Variants in NARS2 observed in about 807,000 individuals in gnomAD.
NARS2 encodes asparaginyl-tRNA synthetase 2, mitochondrial.
In NARS2, 60 loss-of-function variants were observed where a neutral mutation model predicts 62.9. The ratio of observed to expected loss-of-function variants is 0.95; its 90% CI spans 0.77 to 1.18. NARS2 has a LOEUF of 1.18. Among genes scored for constraint, NARS2 ranks in the 50% most tolerant of loss-of-function variants. The probability of loss-of-function intolerance (pLI) is 0.00; values close to 1 mark genes in which losing one functional copy is unlikely to be tolerated. For synonymous variants in NARS2, 196 were observed against 200.0 expected, an observed-to-expected ratio of 0.98 and a Z score of 0.17; for missense variants, 619 against 576.4, an observed-to-expected ratio of 1.07 and a Z score of -0.76.
chr11:78,485,449 G>C (rs1244151337), intron 7 of NARS2, among the ~76,000 whole-genome samples: 1 of 152,020 alleles, frequency 6.6e-6, no homozygotes. Context: ...ACTACCTAAG[G>C]ACTCAGAAAA....
intron 11 of NARS2, among the ~76,000 whole-genome samples, chr11:78,453,052 T>C (rs962283222): frequency 1.1e-4 from 16 of 152,328 alleles, no homozygotes; most frequent in East Asian, 5.8e-4. Flanking sequence ...TTGACCAAAT[T>C]TGAGCACTTT....
At chr11:78,543,439 A>C (rs1200104233) in intron 5 of NARS2, among the ~76,000 whole-genome samples, 1 of 152,214 alleles carries the variant, frequency 6.6e-6, no homozygotes, top group Non-Finnish European at 1.5e-5. Flanking sequence ...AGTGTTTATG[A>C]AGCTGACATT....
chr11:78,540,723 G>A (rs1855580290), intron 5 of NARS2, among the ~76,000 whole-genome samples: 2 of 152,208 alleles, frequency 1.3e-5, no homozygotes, highest in East Asian at 1.9e-4. Context: ...AATTTCCTTT[G>A]AAGATCATGA....
rs941711030 is a variant in NARS2 at position 78,501,398 on chromosome 11, T to C, written c.690-8203A>G. Among the ~76,000 whole-genome samples, 39 of 152,092 alleles carry C rather than the reference T, an allele frequency of 2.6e-4. 1 individual carries two copies. ...TTACTGTCTTAGTATTAGAAAATAG[T>C]TTCAACTTCAAGGATTCCCCTGAGA... On this transcript the variant is annotated intron_variant, in intron 6 of 13. Transcript: ENST00000281038.
chr11:78,544,748 C>T (rs960118030), intron 5 of NARS2, among the ~76,000 whole-genome samples: 26 of 139,784 alleles, frequency 1.9e-4, no homozygotes, highest in Admixed American at 1.8e-3. Flanking sequence ...AAGCCAAGAT[C>T]GTGCCACTGC....
At chr11:78,557,163 G>T (rs370346865) in intron 5 of NARS2, among the ~76,000 whole-genome samples, 1 of 152,184 alleles carries the variant, frequency 6.6e-6, no homozygotes, top group Non-Finnish European at 1.5e-5. Context: ...CAGAATATTA[G>T]AAGTGCATGT....
At chr11:78,436,900 T>C (rs1857427805) in intron 13 of NARS2, 86 bp from the exon 14 acceptor site, 1 of 1,372,952 alleles carries the variant, frequency 7.3e-7, no homozygotes, top group Non-Finnish European at 1.0e-6. Flanking sequence ...AAACGTATTT[T>C]GCAATCATTT....
intron 9 of NARS2, among the ~76,000 whole-genome samples, chr11:78,471,662 C>A (rs1858881172): frequency 6.6e-6 from 1 of 150,612 alleles, no homozygotes; most frequent in Admixed American, 6.6e-5. Flanking sequence ...TTACGTACAT[C>A]TCCCAATGCT....
intron 5 of NARS2, among the ~76,000 whole-genome samples, chr11:78,543,028 G>C (rs1265857712): frequency 1.3e-5 from 2 of 152,182 alleles, no homozygotes; most frequent in African/African-American, 4.8e-5. Context: ...TCAAGAGTAA[G>C]TTAGCCAAGT....
chr11:78,501,170 A>T (rs550921392), intron 6 of NARS2, among the ~76,000 whole-genome samples: 1 of 152,362 alleles, frequency 6.6e-6, no homozygotes, highest in Admixed American at 6.5e-5. Context: ...TTTATGAAAC[A>T]TAATTTTTTC....
chr11:78,502,402 C>G (rs1860313815), intron 6 of NARS2, among the ~76,000 whole-genome samples: 1 of 152,202 alleles, frequency 6.6e-6, no homozygotes, highest in African/African-American at 2.4e-5. Flanking sequence ...CCTGGTATCT[C>G]TTCTTATATG....
intron 10 of NARS2, 47 bp downstream of exon 10, chr11:78,469,200 A>G: frequency 7.8e-7 from 1 of 1,275,474 alleles, no homozygotes; most frequent in Non-Finnish European, 1.1e-6. Context: ...AAAGACAAGA[A>G]GGAAGCATTT....
At chr11:78,484,288 T>C (rs1488161679) in intron 7 of NARS2, among the ~76,000 whole-genome samples, 1 of 151,860 alleles carries the variant, frequency 6.6e-6, no homozygotes, top group Non-Finnish European at 1.5e-5. Context: ...ATAAAAACCC[T>C]AGAAAAAAAC....
At chr11:78,445,637 T>G (rs968828933) in intron 11 of NARS2, among the ~76,000 whole-genome samples, 3 of 149,778 alleles carry the variant, frequency 2.0e-5, no homozygotes, top group African/African-American at 7.6e-5. Flanking sequence ...CAAAAAACAA[T>G]TAAAAAAATT....
chr11:78,538,400 A>C (rs1447017170), intron 5 of NARS2, among the ~76,000 whole-genome samples: 1 of 152,220 alleles, frequency 6.6e-6, no homozygotes, highest in African/African-American at 2.4e-5. Context: ...ATAAGCTCTC[A>C]AAGAGCTTAC....
At chr11:78,507,075 T>C (rs1057514411) in intron 6 of NARS2, among the ~76,000 whole-genome samples, 1 of 152,032 alleles carries the variant, frequency 6.6e-6, no homozygotes, top group Admixed American at 6.6e-5. Flanking sequence ...ACTGGGAATC[T>C]AGGCCTAGAT....
chr11:78,493,890 C>T (rs1245345664), intron 6 of NARS2, among the ~76,000 whole-genome samples: 1 of 151,996 alleles, frequency 6.6e-6, no homozygotes, highest in Non-Finnish European at 1.5e-5. Context: ...CAAGAAACCC[C>T]ACAGAAAATC....
At chr11:78,497,646 C>A (rs903933089) in intron 6 of NARS2, among the ~76,000 whole-genome samples, 2 of 152,142 alleles carry the variant, frequency 1.3e-5, no homozygotes, top group African/African-American at 4.8e-5. Flanking sequence ...TATTTTACTA[C>A]TGTTTTGTGT....
At chr11:78,464,659 T>C (rs1358600300) in intron 11 of NARS2, among the ~76,000 whole-genome samples, 3 of 151,994 alleles carry the variant, frequency 2.0e-5, no homozygotes, top group South Asian at 2.1e-4. Flanking sequence ...TTGAGCTAGA[T>C]AGAGTGCTGA....
Sources: allele counts gnomAD v4.1 joint callset (sites outside exome capture counted in the v4.1 genomes callset), GRCh38; gene constraint gnomAD v4.1.1; transcripts MANE v1.5; gene names NCBI Gene and HGNC (gene_info 2026-07-23, HGNC 2026-07-21).